Variants in SLC4A7 observed in about 807,000 individuals in gnomAD.
SLC4A7 encodes solute carrier family 4 member 7.
In SLC4A7, 51 loss-of-function variants were observed where a neutral mutation model predicts 137.6. The ratio of observed to expected loss-of-function variants is 0.37; its 90% confidence interval spans 0.30 to 0.47. The LOEUF is 0.47. Among genes scored for constraint, SLC4A7 ranks in the 20% least tolerant of loss-of-function variants. SLC4A7 has a pLI of 1.00. For missense variants in SLC4A7, 1,247 were observed against 1,525.4 expected, an observed-to-expected ratio of 0.82 and a Z score of 3.04; for synonymous variants, 542 against 518.6, an observed-to-expected ratio of 1.05 and a Z score of -0.61.
chr3:27,456,807 A>G, intron 1 of SLC4A7: 2 of 1,467,810 alleles, frequency 1.4e-6, no homozygotes, highest in Non-Finnish European at 1.8e-6. Flanking sequence ...CTTCTAAGTT[A>G]CTTTTATGGT....
chr3:27,436,223 T>C lies in SLC4A7; in HGVS notation c.589+165A>G, dbSNP rs137941938. Reference sequence around the variant, plus strand: ...CACTCTCTTACTGATACTACACTTATGTCGGTTTAATTTAATCTCATCTGC... The same window carrying C: ...CACTCTCTTACTGATACTACACTTACGTCGGTTTAATTTAATCTCATCTGC... On this transcript the variant is annotated intron_variant, in intron 5 of 25. Transcript: ENST00000454389. Among the ~76,000 whole-genome samples, 7 of 152,372 alleles carry C rather than the reference T, an allele frequency of 4.6e-5. No individual in the cohort carries two copies. In the East Asian group the frequency reaches 1.2e-3, roughly 25 times the overall value.
At chr3:27,391,319 G>A (rs556768084) in intron 21 of SLC4A7, among the ~76,000 whole-genome samples, 2 of 152,020 alleles carry the variant, frequency 1.3e-5, no homozygotes, top group African/African-American at 4.8e-5. Context: ...TTAATGTTTT[G>A]AGGATCACAA....
intron 2 of SLC4A7, among the ~76,000 whole-genome samples, chr3:27,449,795 T>C (rs2057941701): frequency 1.3e-5 from 2 of 152,170 alleles, no homozygotes; most frequent in Non-Finnish European, 2.9e-5. Context: ...GTACACAATT[T>C]AAAAAGTTAA....
At chr3:27,392,185 C>G (rs2051630093) in intron 20 of SLC4A7, among the ~76,000 whole-genome samples, 1 of 152,120 alleles carries the variant, frequency 6.6e-6, no homozygotes, top group African/African-American at 2.4e-5. Context: ...AAGTGACAAC[C>G]ATTGTCATTG....
intron 1 of SLC4A7, among the ~76,000 whole-genome samples, chr3:27,463,682 C>A (rs1036201379): frequency 6.6e-6 from 1 of 152,112 alleles, no homozygotes; most frequent in Non-Finnish European, 1.5e-5. Flanking sequence ...GCGAAGTTTG[C>A]GCCATTTGCC....
At chr3:27,385,083 A>G (rs1287574437) in intron 23 of SLC4A7, among the ~76,000 whole-genome samples, 1 of 152,218 alleles carries the variant, frequency 6.6e-6, no homozygotes. Flanking sequence ...ATTTTTGTTG[A>G]AAAATAAACA....
chr3:27,448,233 AAG>A (rs1553710009), intron 3 of SLC4A7, among the ~76,000 whole-genome samples: 6 of 147,764 alleles, frequency 4.1e-5, no homozygotes, highest in Admixed American at 2.7e-4. Flanking sequence ...AAAAAAAAAA[AAG>A]AAGAAGGAAA....
At chr3:27,435,631 G>C (rs2056674834) in intron 5 of SLC4A7, among the ~76,000 whole-genome samples, 1 of 152,188 alleles carries the variant, frequency 6.6e-6, no homozygotes, top group Non-Finnish European at 1.5e-5. Flanking sequence ...TTTGAGTTCA[G>C]GAGTTCAAGA....
chr3:27,454,415 G>A (rs986746480), intron 1 of SLC4A7, among the ~76,000 whole-genome samples: 5 of 152,256 alleles, frequency 3.3e-5, no homozygotes, highest in South Asian at 4.2e-4. Flanking sequence ...GCAGTGAGCC[G>A]AGATCACGTC....
rs1389881787 is a variant in SLC4A7 at position 27,434,089 on chromosome 3, T to C, written c.605A>G (p.Asn202Ser). The change falls in exon 6 of 26, where the codon AAC (asparagine) becomes AGC (serine). Residue 202 changes from asparagine to serine, a missense_variant. Around this residue, in one of 6 missense-constraint regions of SLC4A7, gnomAD observed 223 missense variants for 203.6 expected, o/e 1.10. Transcript: ENST00000454389. The part of the protein sequence containing the change: ...LDEIADMVLD[N>S]MIASGQLDES... ...GTCTAATTGGCCAGAAGCTATCATG[T>C]TGTCTAATACCATATCTATTCAATG... is the stretch of plus-strand genomic sequence containing the variant. The C allele has an allele frequency of 8.7e-6, 14 of 1,612,174 alleles. No homozygotes were observed. Among genetic ancestry groups the C allele is most frequent in the Non-Finnish European group, 1.2e-5 (14 of 1,179,072 alleles).
intron 11 of SLC4A7, among the ~76,000 whole-genome samples, chr3:27,416,168 A>G (rs1361740670): frequency 6.6e-6 from 1 of 152,350 alleles, no homozygotes; most frequent in East Asian, 1.9e-4. Flanking sequence ...TTTTTAGGGT[A>G]AACACAATTT....
At position 27,421,706 on chromosome 3, in the gene SLC4A7, A is replaced by G. The variant is rs781364321; in HGVS notation, c.1340T>C (p.Phe447Ser). The G allele has an allele frequency of 1.2e-6, 2 of 1,614,044 alleles. No individual in the cohort carries two copies. The highest frequency in any genetic ancestry group is 1.7e-5 in the Admixed American group (1 of 60,024). ...AAATGCAATTATTGGCCTTTCCAAA[A>G]AGTCTACTTCGCCCACCAGGACGTT... ...ASNVLVGEVD[F>S]LERPIIAFVR... is the part of the protein sequence containing the mutation. Residue 447 changes from phenylalanine (F) to serine (S), a missense_variant, in exon 9 of 26, where the codon TTT becomes TCT. By Grantham distance (155) the Phe-to-Ser change is radical (BLOSUM62 -2). This residue lies in a region of SLC4A7 where 499 missense variants were observed against 664.2 expected (regional missense o/e 0.75). Transcript: ENST00000454389.
intron 1 of SLC4A7, among the ~76,000 whole-genome samples, chr3:27,478,500 C>T (rs1468558821): frequency 2.7e-4 from 35 of 127,544 alleles, no homozygotes; most frequent in African/African-American, 8.0e-4. Flanking sequence ...GGCAAAAGAG[C>T]GAGACTGCCT....
chr3:27,466,808 G>A (rs1031542182), intron 1 of SLC4A7, among the ~76,000 whole-genome samples: 4 of 152,062 alleles, frequency 2.6e-5, no homozygotes, highest in South Asian at 2.1e-4. Flanking sequence ...AGAGAGCCGC[G>A]ATTGCGCCAC....
rs749008881 is a variant in SLC4A7, at chr3:27,452,475, C to T, written c.84G>A (p.Val28=). Residue 28 remains valine, a synonymous_variant, in exon 2 of 26, where the codon GTG becomes GTA. Coordinates refer to ENST00000454389, the MANE Select transcript of SLC4A7 (RefSeq NM_001321103.2). Reference sequence around the variant, plus strand: ...CAGTTGAGCTAGTTTTGCCAAGATCCACAACAGCTTCTTCATCAGGACCCT... The same window carrying T: ...CAGTTGAGCTAGTTTTGCCAAGATCTACAACAGCTTCTTCATCAGGACCCT... ...TSRGPDEEAV[V]DLGKTSSTVN... 1.2e-6 allele frequency: 2 copies of T among 1,605,632 alleles called. No homozygotes were observed. Among genetic ancestry groups the T allele is most frequent in the Non-Finnish European group, 1.7e-6 (2 of 1,178,116 alleles).
intron 1 of SLC4A7, among the ~76,000 whole-genome samples, chr3:27,479,043 T>C (rs974688725): frequency 6.6e-6 from 1 of 151,668 alleles, no homozygotes. Flanking sequence ...AACTAGAACC[T>C]GTCTGTATTG....
chr3:27,376,874 A>T (rs878971702), intron 25 of SLC4A7, 29 bp from the exon 26 acceptor site: 1 of 1,129,566 alleles, frequency 8.9e-7, no homozygotes, highest in Non-Finnish European at 1.2e-6. Flanking sequence ...TAAAATAAAT[A>T]ATTTTAAAAT....
rs145500558 is a variant in SLC4A7, at chr3:27,478,616, C to T, written c.60+5451G>A. On this transcript the variant is annotated intron_variant, in intron 1 of 25. Transcript: ENST00000454389. ...CTTGATACTGAAAACTGCTTAAGTA[C>T]GCTCACTAAAATGGCTTAAGAAAAA... Among the ~76,000 whole-genome samples, 493 of 151,368 alleles carry T rather than the reference C, an allele frequency of 3.3e-3. 7 individuals are homozygous for T. Among genetic ancestry groups the T allele is most frequent in the Admixed American group, 0.027 (416 of 15,194 alleles).
chr3:27,463,055 G>A (rs1048719767), intron 1 of SLC4A7, among the ~76,000 whole-genome samples: 4 of 151,414 alleles, frequency 2.6e-5, no homozygotes, highest in Admixed American at 6.6e-5. Flanking sequence ...TTGTGAGGCG[G>A]GGGCAGAGGT....
Sources: gnomAD v4.1 joint callset for allele counts (sites outside exome capture counted in the v4.1 genomes callset) on GRCh38, gnomAD v4.1.1 for gene constraint, gnomAD v4.1.1 regional missense constraint, MANE v1.5 for transcripts, NCBI Gene and HGNC (gene_info 2026-07-23, HGNC 2026-07-21) for gene names.